PIEZO2: variants seen among roughly 807,000 people sequenced by gnomAD.
PIEZO2 encodes piezo-type mechanosensitive ion channel component 2.
PIEZO2 carries 172 observed loss-of-function variants against 337.3 expected under a neutral mutation model. The ratio of observed to expected loss-of-function variants is 0.51; its 90% confidence interval spans 0.45 to 0.58. PIEZO2 has a LOEUF of 0.58. PIEZO2 is among the 20% of genes least tolerant of loss of function. The pLI is 0.00. For missense variants in PIEZO2, 3,028 were observed against 3,391.3 expected (o/e 0.89, Z 2.66); for synonymous variants, 1,251 against 1,228.5 (o/e 1.02, Z -0.38).
At chr18:10,858,847 G>A (rs902002538) in intron 5 of PIEZO2, among the ~76,000 whole-genome samples, 1 of 152,056 alleles carries the variant, frequency 6.6e-6, no homozygotes, top group African/African-American at 2.4e-5. Context: ...TTAATCCTGG[G>A]CCACTTCAAC....
Position 10,822,773 on chromosome 18 carries a change from C to T in PIEZO2, c.918-15499G>A, listed in dbSNP as rs374723862. Reference sequence around the variant, plus strand: ...GGTGCACTAAGCGGCTAATGAATGTCTACTTGCCAAGTTTCTAAAAGGGAG... The same window carrying T: ...GGTGCACTAAGCGGCTAATGAATGTTTACTTGCCAAGTTTCTAAAAGGGAG... On this transcript the variant is annotated intron_variant, in intron 7 of 55. Coordinates refer to ENST00000674853, the MANE Select transcript of PIEZO2 (RefSeq NM_001378183.1). 4.2e-4 allele frequency among the ~76,000 whole-genome samples: 64 copies of T among 152,312 alleles called. 2 individuals are homozygous for T. The South Asian group carries it at 0.013, about 32-fold the overall frequency.
At position 11,077,417 on chromosome 18, in the gene PIEZO2, A is replaced by G. The variant is rs1779331220; in HGVS notation, c.65-11195T>C. Among the ~76,000 whole-genome samples the G allele has an allele frequency of 6.6e-6, 1 of 152,192 alleles. No homozygotes were observed. The highest frequency in any genetic ancestry group is 2.1e-4 in the South Asian group (1 of 4,826). On this transcript the variant is annotated intron_variant, in intron 1 of 55. Transcript: ENST00000674853. This position sits in a 1 kb window ranked among gnomAD's most constrained non-coding sequence, Gnocchi z 4.8. ...TGTGGTGGCTCATGCCTACAATCCC[A>G]GCACTTTGGGAGGCAGAGGCAGGAG...
chr18:10,736,468 A>G, intron 34 of PIEZO2, 136 bp downstream of exon 34: 1 of 1,235,236 alleles, frequency 8.1e-7, no homozygotes, highest in Non-Finnish European at 1.1e-6. Context: ...AGAAATAAAG[A>G]ATTGCAGATG....
intron 47 of PIEZO2, among the ~76,000 whole-genome samples, chr18:10,694,556 C>T (rs2034999851): frequency 6.6e-6 from 1 of 152,164 alleles, no homozygotes; most frequent in African/African-American, 2.4e-5. Flanking sequence ...ATTGACCGGG[C>T]ACAGTGGCTC....
Position 10,803,814 on chromosome 18 carries a change from C to T in PIEZO2, c.1200+61G>A. The T allele has an allele frequency of 2.6e-6, 4 of 1,524,432 alleles. No homozygotes were observed. The South Asian group carries it at 3.7e-5, about 14-fold the overall frequency. The allele number at this position is 1,524,432 out of a possible 1,614,324, so 94.4% of individuals were successfully genotyped here. ...TATATGATATTATAAGGCTCATATT[C>T]AACAGTAAAATACAAAAACAGAAAA... is the stretch of plus-strand genomic sequence containing the variant. On this transcript the variant is annotated intron_variant, in intron 9 of 55. Transcript: ENST00000674853.
intron 49 of PIEZO2, among the ~76,000 whole-genome samples, chr18:10,685,205 T>C (rs2034497135): frequency 6.6e-6 from 1 of 152,212 alleles, no homozygotes; most frequent in Non-Finnish European, 1.5e-5. Context: ...CAGGAAGAGT[T>C]ACTGTTAAGA....
intron 1 of PIEZO2, among the ~76,000 whole-genome samples, chr18:11,085,361 T>A (rs1435496329): frequency 1.3e-5 from 2 of 152,108 alleles, no homozygotes; most frequent in Non-Finnish European, 2.9e-5. Context: ...CAGACTCCAG[T>A]CACCTGCTTG....
intron 35 of PIEZO2, among the ~76,000 whole-genome samples, chr18:10,731,749 G>C (rs759155644): frequency 6.6e-6 from 1 of 151,850 alleles, no homozygotes; most frequent in Admixed American, 6.6e-5. Context: ...TAAACTTTGG[G>C]TACACCAAAT....
chr18:10,762,578 A>G lies in PIEZO2; in HGVS notation c.3171T>C (p.Ser1057=), dbSNP rs2038181554. The G allele has an allele frequency of 6.5e-7, 1 of 1,537,406 alleles. No homozygotes were observed. Among genetic ancestry groups the G allele is most frequent in the African/African-American group, 1.4e-5 (1 of 73,070 alleles). Residue 1057 remains serine, a synonymous_variant, in exon 23 of 56, where the codon TCT becomes TCC. Coordinates refer to ENST00000674853, the MANE Select transcript of PIEZO2 (RefSeq NM_001378183.1). ...GATCGATAGGAGCGCTGTAGAGCAG[A>G]GACTTGTTCAACTCATTAAAGGGGA... ...TNIPFNELNK[S]LLYSAPIDPT...
chr18:10,788,540 G>C (rs1238360035), intron 15 of PIEZO2, among the ~76,000 whole-genome samples: 1 of 151,646 alleles, frequency 6.6e-6, no homozygotes, highest in African/African-American at 2.4e-5. Flanking sequence ...GAAAACCTAT[G>C]TATGAACTTT....
At chr18:11,050,271 T>A (rs1338250861) in intron 2 of PIEZO2, among the ~76,000 whole-genome samples, 1 of 152,200 alleles carries the variant, frequency 6.6e-6, no homozygotes, top group Non-Finnish European at 1.5e-5. Context: ...TTTGCTTTAT[T>A]ATGACATAAT....
chr18:10,997,712 T>G (rs2035376567), intron 2 of PIEZO2, among the ~76,000 whole-genome samples: 2 of 151,902 alleles, frequency 1.3e-5, no homozygotes, highest in South Asian at 2.1e-4. Flanking sequence ...TAATAGAAAT[T>G]ACCCCATCTG....
intron 7 of PIEZO2, among the ~76,000 whole-genome samples, chr18:10,808,397 G>GA (rs1371009026): frequency 1.7e-5 from 1 of 57,918 alleles, no homozygotes; most frequent in African/African-American, 6.2e-5. Flanking sequence ...CAGCCTGTTT[G>GA]CACTTTTATA....
At chr18:11,042,281 G>T (rs751607515) in intron 2 of PIEZO2, among the ~76,000 whole-genome samples, 3 of 152,192 alleles carry the variant, frequency 2.0e-5, no homozygotes, top group Non-Finnish European at 4.4e-5. Flanking sequence ...GAGGAGGGCT[G>T]CTATGAGGAG....
intron 2 of PIEZO2, among the ~76,000 whole-genome samples, chr18:11,055,979 C>T (rs1287034388): frequency 1.3e-5 from 2 of 152,178 alleles, no homozygotes; most frequent in Non-Finnish European, 2.9e-5. Flanking sequence ...TCTGGTTCCC[C>T]AGCAATGGAG....
chr18:10,761,156 A>G (rs1473058162), intron 23 of PIEZO2, 45 bp from the exon 24 acceptor site: 2 of 1,485,816 alleles, frequency 1.3e-6, no homozygotes, highest in Non-Finnish European at 9.1e-7. Context: ...AGGCTTTATG[A>G]TTTGGTAATT....
chr18:10,787,121 T>C lies in PIEZO2; in HGVS notation c.2233A>G (p.Met745Val). 1 of 1,535,944 alleles carries C rather than the reference T, an allele frequency of 6.5e-7. No homozygotes were observed. The highest frequency in any genetic ancestry group is 8.7e-7 in the Non-Finnish European group (1 of 1,146,048). Residue 745 changes from methionine to valine, a missense_variant, in exon 16 of 56, where the codon ATG (methionine) becomes GTG (valine). Physicochemically the swap from Met to Val is conservative, Grantham distance 21. Around this residue, in one of 5 missense-constraint regions of PIEZO2, gnomAD observed 1,925 missense variants for 2,051.9 expected, o/e 0.94. Transcript: ENST00000674853. The stretch of plus-strand genomic sequence containing the variant: ...GTGTATATAAAGATAAGCACCAGCA[T>C]AGTGTAAATAACCACTGACATCCAA... ...YFWMSVVIYT[M>V]LVLIFIYTYQ...
intron 4 of PIEZO2, among the ~76,000 whole-genome samples, chr18:10,886,487 C>CACATATATATATAT (rs2042606036): frequency 2.2e-5 from 1 of 45,890 alleles, no homozygotes; most frequent in Non-Finnish European, 3.4e-5. Context: ...ATATCCAAAC[C>CACATATATATATAT]ATATATATAT....
At position 10,850,468 on chromosome 18, in the gene PIEZO2, T is replaced by C. The variant is rs2041511994; in HGVS notation, c.917+4885A>G. 6.6e-6 allele frequency among the ~76,000 whole-genome samples: 1 copy of C among 152,174 alleles called. No individual in the cohort carries two copies. The highest frequency in any genetic ancestry group is 2.4e-5 in the African/African-American group (1 of 41,440). On this transcript the variant is annotated intron_variant, in intron 7 of 55. Transcript: ENST00000674853. The surrounding 1 kb of genome is among the most constrained non-coding windows in gnomAD (Gnocchi z 4.5). ...AAAGGCTCTTTCACAGCTGCGAGAA[T>C]GTGGGGTTGCAACTTGCTCATCATT...
Sources: gnomAD v4.1 joint callset for allele counts (sites outside exome capture counted in the v4.1 genomes callset) on GRCh38, gnomAD v4.1.1 for gene constraint, gnomAD v4.1.1 regional missense constraint, Gnocchi (gnomAD v3.1) non-coding constraint, MANE v1.5 for transcripts, NCBI Gene and HGNC (gene_info 2026-07-23, HGNC 2026-07-21) for gene names.